GMDS: variants seen among roughly 807,000 people sequenced by gnomAD.
The protein encoded by GMDS is GDP-mannose 4,6 dehydratase.
A neutral mutation model predicts 49.9 loss-of-function variants in GMDS; 20 were observed. That is an observed-to-expected ratio of 0.40 (90% CI 0.28 to 0.58). The LOEUF (loss-of-function observed/expected upper bound fraction) is 0.58. GMDS is among the 20% of genes least tolerant of loss of function. GMDS has a pLI of 0.42. For missense variants in GMDS, 362 were observed against 481.4 expected, an observed-to-expected ratio of 0.75 and a Z score of 2.32; for synonymous variants, 177 against 178.6, an observed-to-expected ratio of 0.99 and a Z score of 0.07.
chr6:1,927,772 T>G (rs1762096255), intron 7 of GMDS, among the ~76,000 whole-genome samples: 1 of 152,178 alleles, frequency 6.6e-6, no homozygotes, highest in African/African-American at 2.4e-5. Flanking sequence ...CCTTACTTAC[T>G]TAACACTCTC....
intron 9 of GMDS, among the ~76,000 whole-genome samples, chr6:1,681,605 T>A (rs1291825179): frequency 6.6e-6 from 1 of 152,198 alleles, no homozygotes; most frequent in Non-Finnish European, 1.5e-5. Context: ...GCCAGCTCCC[T>A]GGCAGCCCCA....
At chr6:2,085,030 A>T (rs192002259) in intron 4 of GMDS, among the ~76,000 whole-genome samples, 15 of 152,350 alleles carry the variant, frequency 9.8e-5, no homozygotes, top group Non-Finnish European at 2.2e-4. Context: ...TTTTTACTAG[A>T]CAAAGCAAAT....
chr6:2,196,238 C>T (rs1353545359), intron 1 of GMDS, among the ~76,000 whole-genome samples: 2 of 152,244 alleles, frequency 1.3e-5, no homozygotes, highest in African/African-American at 2.4e-5. Flanking sequence ...GACTAAAACA[C>T]GCAGATGCTA....
intron 1 of GMDS, among the ~76,000 whole-genome samples, chr6:2,140,005 C>A (rs1165700419): frequency 6.6e-6 from 1 of 152,142 alleles, no homozygotes; most frequent in African/African-American, 2.4e-5. Flanking sequence ...TAGCCATGAA[C>A]AGGTAAAGTG....
intron 7 of GMDS, among the ~76,000 whole-genome samples, chr6:1,780,567 C>T (rs183032423): frequency 1.3e-5 from 2 of 152,296 alleles, no homozygotes; most frequent in Non-Finnish European, 2.9e-5. Context: ...TCCTTCCCCT[C>T]CTGCTTCCCA....
rs1242117154 is a variant in GMDS, at chr6:2,116,011, G to C, written c.236-131C>G. The C allele has an allele frequency of 8.2e-6, 5 of 610,846 alleles. No individual in the cohort carries two copies. In the Admixed American group the frequency reaches 1.2e-4, roughly 15 times the overall value. The allele number at this position is 610,846 out of a possible 1,614,324, so 37.8% of individuals were successfully genotyped here. On this transcript the variant is annotated intron_variant, in intron 3 of 10. Coordinates refer to ENST00000380815, the MANE Select transcript of GMDS (RefSeq NM_001500.4). ...TCAAAATGGAAATGCTGTACTGATG[G>C]TTCTGGAGTAGCAGAATATAACTGT...
chr6:1,918,337 C>G (rs1265828288), intron 7 of GMDS, among the ~76,000 whole-genome samples: 1 of 152,162 alleles, frequency 6.6e-6, no homozygotes, highest in Non-Finnish European at 1.5e-5. Flanking sequence ...CCCATGGGTA[C>G]TTGGTCTTAT....
At chr6:2,176,588 G>A (rs979508165) in intron 1 of GMDS, among the ~76,000 whole-genome samples, 2 of 152,186 alleles carry the variant, frequency 1.3e-5, no homozygotes, top group Non-Finnish European at 2.9e-5. Flanking sequence ...CTTAGGCAAG[G>A]TGTAGAGACA....
chr6:1,925,136 G>C (rs1761930238), intron 7 of GMDS, among the ~76,000 whole-genome samples: 1 of 152,150 alleles, frequency 6.6e-6, no homozygotes, highest in East Asian at 1.9e-4. Flanking sequence ...AATCTGGGTG[G>C]TACGCAGGTG....
chr6:2,093,623 A>G (rs1773439560), intron 4 of GMDS, among the ~76,000 whole-genome samples: 1 of 152,170 alleles, frequency 6.6e-6, no homozygotes. Flanking sequence ...CTTCAAGGTG[A>G]AAGACTCATA....
Position 1,640,972 on chromosome 6 carries a change from G to A in GMDS, c.988-16432C>T, listed in dbSNP as rs931566200. ...ACCCTGAAGTCCAGAGTGACCCCAT[G>A]GGGCTGGGGTCAGGGAAGCTGTTAC... is the stretch of plus-strand genomic sequence containing the variant. On this transcript the variant is annotated intron_variant, in intron 9 of 10. Coordinates refer to ENST00000380815, the MANE Select transcript of GMDS (RefSeq NM_001500.4). The surrounding 1 kb of genome is among the most constrained non-coding windows in gnomAD (Gnocchi z 4.0). Among the ~76,000 whole-genome samples the A allele has an allele frequency of 6.6e-6, 1 of 152,210 alleles. No individual in the cohort carries two copies. Among genetic ancestry groups the A allele is most frequent in the Non-Finnish European group, 1.5e-5 (1 of 68,036 alleles).
chr6:2,085,437 G>A (rs1188625235), intron 4 of GMDS, among the ~76,000 whole-genome samples: 1 of 152,032 alleles, frequency 6.6e-6, no homozygotes, highest in Non-Finnish European at 1.5e-5. Flanking sequence ...ATTCTTAATT[G>A]TCTGTGCACC....
chr6:1,692,801 T>G (rs1283103741), intron 9 of GMDS, among the ~76,000 whole-genome samples: 1 of 152,230 alleles, frequency 6.6e-6, no homozygotes, highest in Admixed American at 6.5e-5. Flanking sequence ...AATAAGGTTC[T>G]AAAAATTAGT....
At chr6:2,030,705 G>GT (rs1328366049) in intron 4 of GMDS, among the ~76,000 whole-genome samples, 1 of 152,118 alleles carries the variant, frequency 6.6e-6, no homozygotes, top group Admixed American at 6.5e-5. Context: ...AAGTAGTACA[G>GT]TTGACAAACT....
At chr6:1,966,520 C>G (rs1444342120) in intron 4 of GMDS, among the ~76,000 whole-genome samples, 2 of 152,172 alleles carry the variant, frequency 1.3e-5, no homozygotes, top group Non-Finnish European at 2.9e-5. Flanking sequence ...TGTGCCAGTG[C>G]CTGCAGGTCT....
At chr6:2,202,315 G>A (rs189955588) in intron 1 of GMDS, among the ~76,000 whole-genome samples, 37 of 150,476 alleles carry the variant, frequency 2.5e-4, no homozygotes, top group African/African-American at 8.1e-4. Flanking sequence ...AGAGGCGAAG[G>A]ATGAAGACAG....
At position 1,912,494 on chromosome 6, in the gene GMDS, C is replaced by A. The variant is rs1761121866; in HGVS notation, c.771+17609G>T. Among the ~76,000 whole-genome samples, 3 of 152,102 alleles carry A rather than the reference C, an allele frequency of 2.0e-5. No individual in the cohort carries two copies. The South Asian group carries it at 6.2e-4, about 32-fold the overall frequency. On this transcript the variant is annotated intron_variant, in intron 7 of 10. Transcript: ENST00000380815. ...TACCTTACACAGTAAAATTTGAAAGCTTTAAATACAAACAGTTATAAAACA... is the reference window on the plus strand; with the variant it reads ...TACCTTACACAGTAAAATTTGAAAGATTTAAATACAAACAGTTATAAAACA...
Position 2,066,600 on chromosome 6 carries a change from C to G in GMDS, c.345+49171G>C, listed in dbSNP as rs927007293. Among the ~76,000 whole-genome samples the G allele has an allele frequency of 1.5e-4, 22 of 151,222 alleles. 1 individual carries two copies. Among genetic ancestry groups the G allele is most frequent in the African/African-American group, 4.9e-4 (20 of 40,672 alleles). ...CAAGCAAATGGAAAACAAAAAAAGG[C>G]AGGGGTTGCAATCCTAGTCTCTGAT... On this transcript the variant is annotated intron_variant, in intron 4 of 10. Transcript: ENST00000380815.
chr6:2,140,136 T>C (rs1473251114), intron 1 of GMDS, among the ~76,000 whole-genome samples: 4 of 152,138 alleles, frequency 2.6e-5, no homozygotes, highest in African/African-American at 9.7e-5. Flanking sequence ...GCAGATGTGA[T>C]GAAGTTAAGG....
Sources: gnomAD v4.1 joint callset for allele counts (sites outside exome capture counted in the v4.1 genomes callset) on GRCh38, gnomAD v4.1.1 for gene constraint, Gnocchi (gnomAD v3.1) non-coding constraint, MANE v1.5 for transcripts, NCBI Gene and HGNC (gene_info 2026-07-23, HGNC 2026-07-21) for gene names.